ANO2: variants seen among roughly 807,000 people sequenced by gnomAD.
The protein encoded by ANO2 is anoctamin-2.
A neutral mutation model predicts 124.2 loss-of-function variants in ANO2; 101 were observed. The ratio of observed to expected loss-of-function variants is 0.81; its 90% CI spans 0.69 to 0.96. The LOEUF (loss-of-function observed/expected upper bound fraction) is 0.96. Ranked by LOEUF, ANO2 falls within the 40% of genes least tolerant of loss-of-function variation. The pLI, the probability that ANO2 is intolerant of heterozygous loss-of-function variation, is 0.00. For synonymous variants in ANO2, 486 were observed against 482.5 expected (o/e 1.01, Z -0.09); for missense variants, 1,293 against 1,274.5 (o/e 1.01, Z -0.22).
chr12:5,725,524 T>C (rs1350121772), intron 14 of ANO2, among the ~76,000 whole-genome samples: 2 of 152,182 alleles, frequency 1.3e-5, no homozygotes, highest in African/African-American at 4.8e-5. Flanking sequence ...TATATTTCCT[T>C]GAATAACTCA....
intron 1 of ANO2, among the ~76,000 whole-genome samples, chr12:5,928,089 G>A (rs1031118685): frequency 8.5e-5 from 13 of 152,202 alleles, no homozygotes; most frequent in East Asian, 1.9e-4. Context: ...GGAATAGGGG[G>A]CAAGGTGAGT....
chr12:5,648,602 GTAAACAGCTCTGCTAAT>G (rs1383559536), intron 14 of ANO2, among the ~76,000 whole-genome samples: 4 of 152,190 alleles, frequency 2.6e-5, no homozygotes, highest in Admixed American at 6.5e-5. Context: ...GCTATGAATG[GTAAACAGCTCTGCTAAT>G]TAAACAGCTC....
At chr12:5,897,027 C>CCTTAAGAT (rs1156522553) in intron 3 of ANO2, among the ~76,000 whole-genome samples, 3 of 152,028 alleles carry the variant, frequency 2.0e-5, no homozygotes, top group Admixed American at 2.0e-4. Context: ...TAAAGTCACT[C>CCTTAAGAT]CTTAAGATTT....
intron 10 of ANO2, among the ~76,000 whole-genome samples, chr12:5,751,812 CA>C (rs1436610494): frequency 3.3e-5 from 5 of 152,166 alleles, no homozygotes; most frequent in Admixed American, 3.3e-4. Context: ...CTATATTATA[CA>C]GTAGATCTCC....
chr12:5,615,372 G>T, intron 16 of ANO2, 75 bp from the exon 17 acceptor site: 4 of 1,103,494 alleles, frequency 3.6e-6, no homozygotes, highest in Non-Finnish European at 4.0e-6. Flanking sequence ...CTAGACATGA[G>T]CTACTATCTC....
chr12:5,946,038 T>C, upstream of ANO2: 2 of 1,312,342 alleles, frequency 1.5e-6, no homozygotes, highest in African/African-American at 1.4e-5. The surrounding 1 kb of genome is among the most constrained non-coding windows in gnomAD (Gnocchi z 4.1). Context: ...TTCTGCACGA[T>C]GGAATCTGCA....
intron 16 of ANO2, among the ~76,000 whole-genome samples, chr12:5,632,688 C>A (rs1945783272): frequency 1.3e-5 from 2 of 152,114 alleles, no homozygotes; most frequent in South Asian, 4.1e-4. Context: ...AAGGCCCCGC[C>A]TTGCATATGG....
Position 5,748,956 on chromosome 12 carries a change from A to G in ANO2, c.1190+1880T>C, listed in dbSNP as rs534665640. Among the ~76,000 whole-genome samples, 23 of 152,100 alleles carry G rather than the reference A, an allele frequency of 1.5e-4. No individual in the cohort carries two copies. In the South Asian group the frequency reaches 4.8e-3, roughly 32 times the overall value. On this transcript the variant is annotated intron_variant, in intron 11 of 24. Coordinates refer to ENST00000682330, the MANE Select transcript of ANO2 (RefSeq NM_001364791.2). Reference sequence around the variant, plus strand: ...AAAAATCCAAACTCTTGTCTCTTACATCAAGTGATTTAGCTTTATTCTAGA... The same window carrying G: ...AAAAATCCAAACTCTTGTCTCTTACGTCAAGTGATTTAGCTTTATTCTAGA...
chr12:5,656,636 C>A (rs911271791), intron 14 of ANO2, among the ~76,000 whole-genome samples: 1 of 152,138 alleles, frequency 6.6e-6, no homozygotes, highest in Non-Finnish European at 1.5e-5. Flanking sequence ...CTGTCAGTTC[C>A]AGGAGAGCAG....
At chr12:5,698,778 C>T (rs1949290206) in intron 14 of ANO2, among the ~76,000 whole-genome samples, 1 of 152,174 alleles carries the variant, frequency 6.6e-6, no homozygotes. Context: ...AAAACCATGG[C>T]ACGAGAACTA....
At chr12:5,622,006 C>T (rs1183604679) in intron 16 of ANO2, among the ~76,000 whole-genome samples, 1 of 152,102 alleles carries the variant, frequency 6.6e-6, no homozygotes, top group Non-Finnish European at 1.5e-5. Context: ...ACAACACAAT[C>T]ACATCTCATC....
intron 1 of ANO2, among the ~76,000 whole-genome samples, chr12:5,927,589 C>A (rs1438998592): frequency 6.6e-6 from 1 of 152,222 alleles, no homozygotes; most frequent in African/African-American, 2.4e-5. Context: ...ATCAGGGCTT[C>A]CAACGACCAT....
At chr12:5,742,218 A>T (rs1541530) in intron 12 of ANO2, among the ~76,000 whole-genome samples, 24 of 152,164 alleles carry the variant, frequency 1.6e-4, no homozygotes, top group Non-Finnish European at 2.9e-4. Flanking sequence ...TGGGCCCTGA[A>T]CCAGGCCCAC....
intron 7 of ANO2, among the ~76,000 whole-genome samples, chr12:5,819,164 G>A (rs531520691): frequency 6.6e-6 from 1 of 152,214 alleles, no homozygotes; most frequent in East Asian, 1.9e-4. Context: ...CAGTTGCCAG[G>A]CAAAATAATG....
At chr12:5,624,114 G>C (rs913067035) in intron 16 of ANO2, among the ~76,000 whole-genome samples, 8 of 152,164 alleles carry the variant, frequency 5.3e-5, no homozygotes, top group African/African-American at 1.2e-4. Context: ...AGTCAGAAAG[G>C]TAACTCTTGC....
chr12:5,584,136 C>CCT (rs1942954123), intron 20 of ANO2: 1 of 163,758 alleles, frequency 6.1e-6, no homozygotes, highest in African/African-American at 2.7e-5. Context: ...TGAACACCCC[C>CCT]CCCCCGCCGC....
chr12:5,943,053 AT>A (rs1394047612), intron 1 of ANO2, among the ~76,000 whole-genome samples: 1 of 152,230 alleles, frequency 6.6e-6, no homozygotes, highest in East Asian at 1.9e-4. Context: ...GAAAAACAGT[AT>A]GGAGAGTCTT....
intron 14 of ANO2, among the ~76,000 whole-genome samples, chr12:5,680,187 G>A (rs1042367231): frequency 3.3e-5 from 5 of 152,162 alleles, no homozygotes; most frequent in Admixed American, 2.0e-4. Flanking sequence ...AATGGATGCT[G>A]GGCTTCATTC....
chr12:5,792,692 G>A (rs1591623305), intron 10 of ANO2, among the ~76,000 whole-genome samples: 2 of 152,096 alleles, frequency 1.3e-5, no homozygotes, highest in South Asian at 2.1e-4. Flanking sequence ...ATTTTCCCTC[G>A]TGATCTTTTC....
Sources: allele counts gnomAD v4.1 joint callset (sites outside exome capture counted in the v4.1 genomes callset), GRCh38; gene constraint gnomAD v4.1.1; non-coding constraint Gnocchi (gnomAD v3.1); transcripts MANE v1.5; gene names NCBI Gene and HGNC (gene_info 2026-07-23, HGNC 2026-07-21).